The following ADGRL2 variants were observed in gnomAD, a reference collection of about 807,000 sequenced individuals.
ADGRL2 encodes calcium-independent alpha-latrotoxin receptor 2.
A neutral mutation model predicts 157.4 loss-of-function variants in ADGRL2; 44 were observed. The ratio of observed to expected loss-of-function variants is 0.28; its 90% confidence interval spans 0.22 to 0.36. ADGRL2 has a LOEUF of 0.36. ADGRL2 is among the 10% of genes least tolerant of loss of function. The pLI is 1.00. For missense variants in ADGRL2, 1,510 were observed against 1,768.9 expected, an observed-to-expected ratio of 0.85 and a Z score of 2.63; for synonymous variants, 585 against 624.7, an observed-to-expected ratio of 0.94 and a Z score of 0.95.
At chr1:81,916,955 T>G (rs1484409678) in intron 3 of ADGRL2, among the ~76,000 whole-genome samples, 1 of 151,924 alleles carries the variant, frequency 6.6e-6, no homozygotes, top group Non-Finnish European at 1.5e-5. Flanking sequence ...CTAATTTTAT[T>G]GAATGAAGAG....
intron 1 of ADGRL2, among the ~76,000 whole-genome samples, chr1:81,403,897 A>G (rs2076807450): frequency 1.3e-5 from 2 of 151,146 alleles, no homozygotes; most frequent in Non-Finnish European, 2.9e-5. Context: ...TCCCAGGTTC[A>G]AGTGATTCTC....
rs56281820 is a variant in ADGRL2 at position 81,639,540 on chromosome 1, C to CAAAA, written c.-143+58582_-143+58585dup. 2.4e-3 allele frequency among the ~76,000 whole-genome samples: 201 copies of CAAAA among 82,970 alleles called. 1 individual carries two copies. The highest frequency in any genetic ancestry group is 0.013 in the Middle Eastern group (1 of 78). 54.4% of individuals were successfully genotyped at this position (82,970 alleles called of 152,430 possible). ...CCAATGTAGTGAGACTCCATCTCTA[C>CAAAA]AAAAAAAAAAAAAAAAAAAAAAAAA... On this transcript the variant is annotated intron_variant, in intron 3 of 24. Coordinates refer to the ADGRL2 transcript ENST00000370721.
At chr1:81,790,406 C>T (rs1423886758) in intron 2 of ADGRL2, among the ~76,000 whole-genome samples, 2 of 152,116 alleles carry the variant, frequency 1.3e-5, no homozygotes, top group Admixed American at 1.3e-4. Flanking sequence ...CTGGAAAATA[C>T]TCAAATTTTC....
At chr1:81,307,035 A>T (rs1033499533) in intron 1 of ADGRL2, among the ~76,000 whole-genome samples, 3 of 152,248 alleles carry the variant, frequency 2.0e-5, no homozygotes, top group Admixed American at 2.0e-4. Context: ...TGTCAGATAG[A>T]TTTATTCTTC....
intron 2 of ADGRL2, among the ~76,000 whole-genome samples, chr1:81,473,679 T>C (rs1405092333): frequency 1.3e-5 from 2 of 152,174 alleles, no homozygotes; most frequent in South Asian, 2.1e-4. Context: ...AGGTTAATAT[T>C]GTGAGACTAG....
chr1:81,947,161 A>G (rs1317604027), intron 6 of ADGRL2, among the ~76,000 whole-genome samples: 1 of 152,168 alleles, frequency 6.6e-6, no homozygotes, highest in Non-Finnish European at 1.5e-5. Flanking sequence ...CTCTATAAAA[A>G]AGGGTTTGGA....
chr1:81,455,703 T>C (rs2077791023), intron 2 of ADGRL2, among the ~76,000 whole-genome samples: 2 of 152,186 alleles, frequency 1.3e-5, no homozygotes, highest in Admixed American at 1.3e-4. Flanking sequence ...TTCTGTTTCT[T>C]AGCAGGATTC....
chr1:81,746,912 A>G (rs1056749224), intron 1 of ADGRL2, among the ~76,000 whole-genome samples: 5 of 143,920 alleles, frequency 3.5e-5, no homozygotes, highest in Admixed American at 2.1e-4. Context: ...ACACACGTGC[A>G]CACGTATATA....
rs1233235798 is a variant in ADGRL2, at chr1:81,830,543, T to C, written c.-100-6342T>C. 3.3e-5 allele frequency among the ~76,000 whole-genome samples: 5 copies of C among 152,226 alleles called. No homozygotes were observed. The East Asian group carries it at 9.6e-4, about 29-fold the overall frequency. ...ATTTTTTTGAGATGGAGTCTCGCTC[T>C]GTCTCCTGGGCTGGAGTGCAGTGGC... On this transcript the variant is annotated intron_variant, in intron 1 of 23. Coordinates refer to ENST00000686636, the MANE Select transcript of ADGRL2 (RefSeq NM_001366006.2).
At chr1:81,935,797 G>T (rs3790896) in intron 3 of ADGRL2, among the ~76,000 whole-genome samples, 26,842 of 151,570 alleles carry the variant, frequency 0.18, 3,126 homozygotes, top group East Asian at 0.63. Context: ...CTTTACAAAA[G>T]TTATGAAAAG....
intron 2 of ADGRL2, among the ~76,000 whole-genome samples, chr1:81,457,554 C>A (rs2077832555): frequency 6.6e-6 from 1 of 152,050 alleles, no homozygotes; most frequent in South Asian, 2.1e-4. Context: ...TGACTAATAA[C>A]CAAAGAATTG....
Position 81,936,832 on chromosome 1 carries a change from C to T in ADGRL2, c.392C>T (p.Pro131Leu). 1.3e-6 allele frequency: 2 copies of T among 1,582,724 alleles called. No homozygotes were observed. The highest frequency in any genetic ancestry group is 1.7e-6 in the Non-Finnish European group (2 of 1,151,848). Residue 131 changes from proline (P) to leucine (L), a missense_variant, in exon 4 of 24, where the codon CCT becomes CTT. Physicochemically the swap from Pro to Leu is moderately conservative, Grantham distance 98 (BLOSUM62 -3). Coordinates refer to ENST00000686636, the MANE Select transcript of ADGRL2 (RefSeq NM_001366006.2). The stretch of plus-strand genomic sequence containing the variant: ...CTTGAAGTCCAATATGAATGTGTCC[C>T]TTACAGTAAGTATGCAGTTTATATT... ...KYLEVQYECV[P>L]YMEQKVFVCP...
chr1:81,834,897 A>G (rs142228218), intron 1 of ADGRL2, among the ~76,000 whole-genome samples: 1 of 152,274 alleles, frequency 6.6e-6, no homozygotes, highest in East Asian at 1.9e-4. Context: ...AATTTTTAGT[A>G]TATAAAAATT....
At chr1:81,851,329 G>C (rs1445327022) in intron 2 of ADGRL2, among the ~76,000 whole-genome samples, 1 of 151,820 alleles carries the variant, frequency 6.6e-6, no homozygotes, top group East Asian at 1.9e-4. Context: ...GATGAACCCA[G>C]CTAATATTGC....
rs545378704 is a variant in ADGRL2, at chr1:81,906,621, C to T, written c.74-396C>T. 4.6e-5 allele frequency among the ~76,000 whole-genome samples: 7 copies of T among 151,832 alleles called. No individual in the cohort carries two copies. In the South Asian group the frequency reaches 1.0e-3, roughly 22 times the overall value. On this transcript the variant is annotated intron_variant, in intron 2 of 23. Coordinates refer to ENST00000686636, the MANE Select transcript of ADGRL2 (RefSeq NM_001366006.2). ...GTATACATTAAATAAGAAAGTAAGG[C>T]CAGTGGGTGTAGCAGAGCCTTCATT...
intron 3 of ADGRL2, among the ~76,000 whole-genome samples, chr1:81,626,191 C>T (rs1570672456): frequency 6.6e-6 from 1 of 152,200 alleles, no homozygotes; most frequent in Admixed American, 6.5e-5. Context: ...AACTACTCCA[C>T]CCTTTTCCAC....
chr1:81,310,723 A>G (rs1659693179), intron 1 of ADGRL2, among the ~76,000 whole-genome samples: 1 of 152,094 alleles, frequency 6.6e-6, no homozygotes, highest in South Asian at 2.1e-4. Flanking sequence ...TGGTATGGGA[A>G]AGGTTGGGAA....
chr1:81,595,889 C>T (rs2081221940), intron 3 of ADGRL2, among the ~76,000 whole-genome samples: 1 of 152,132 alleles, frequency 6.6e-6, no homozygotes, highest in African/African-American at 2.4e-5. Flanking sequence ...AGTCCAAGAG[C>T]AAGGCGCCAG....
intron 1 of ADGRL2, among the ~76,000 whole-genome samples, chr1:81,322,091 T>TATATATATATATATAC (rs1557595012): frequency 3.6e-4 from 35 of 98,260 alleles, no homozygotes; most frequent in Admixed American, 7.2e-4. Context: ...CTAATTCATA[T>TATATATATATATATAC]ATATATATAT....
Sources: allele counts gnomAD v4.1 joint callset (sites outside exome capture counted in the v4.1 genomes callset), GRCh38; gene constraint gnomAD v4.1.1; transcripts MANE v1.5; gene names NCBI Gene and HGNC (gene_info 2026-07-23, HGNC 2026-07-21).